Variants in CCL23 observed in about 807,000 individuals in gnomAD.
The protein encoded by CCL23 is C-C motif chemokine ligand 23.
A neutral mutation model predicts 11.8 loss-of-function variants in CCL23; 10 were observed. The observed-to-expected ratio is 0.84, with a 90% CI of 0.52 to 1.43. CCL23 has a LOEUF of 1.43. CCL23 is among the 40% of genes most tolerant of loss of function. The probability of loss-of-function intolerance (pLI) is 0.00; values close to 1 mark genes in which losing one functional copy is unlikely to be tolerated. For synonymous variants in CCL23, 60 were observed against 61.0 expected (o/e 0.98, Z 0.07); for missense variants, 181 against 170.9 (o/e 1.06, Z -0.33).
chr17:36,013,959 G>A lies in CCL23; in HGVS notation c.137-50C>T, dbSNP rs370259219. On this transcript the variant is annotated intron_variant, in intron 2 of 3. Coordinates refer to ENST00000615050, the MANE Select transcript of CCL23 (RefSeq NM_005064.6). ...GCTCAGAAGAGATGTTTCCTCCTCC[G>A]TGACCAGCACTTGCTGGCATCTCCC... 252 of 1,567,280 alleles carry A rather than the reference G, an allele frequency of 1.6e-4. 2 individuals carry two copies. The highest frequency in any genetic ancestry group is 3.6e-4 in the African/African-American group (27 of 74,066).
At chr17:36,016,602 T>C (rs1204375131) in intron 1 of CCL23, among the ~76,000 whole-genome samples, 1 of 152,088 alleles carries the variant, frequency 6.6e-6, no homozygotes, top group Non-Finnish European at 1.5e-5. Flanking sequence ...GTTTCAAGTC[T>C]TTGCTATTGT....
At chr17:36,014,230 C>T (rs2090080664) in intron 2 of CCL23, 104 bp downstream of exon 2, 1 of 891,980 alleles carries the variant, frequency 1.1e-6, no homozygotes, top group Admixed American at 1.8e-5. Flanking sequence ...ACCCTCAGGA[C>T]CCTCTCATTC....
In CCL23 at chr17:36,013,309, C is replaced by G; in HGVS notation, c.303-1G>C. On this transcript the variant is annotated splice_acceptor_variant, in intron 3 of 3. Coordinates refer to ENST00000615050, the MANE Select transcript of CCL23 (RefSeq NM_005064.6). LOFTEE classifies it high-confidence loss of function. ...ACGTCGCCCCTTCTTGGTGAGGAAG[C>G]TAGGGAACAAGGGGGAGAAAAGTTA... 6.2e-7 allele frequency: 1 copy of G among 1,606,408 alleles called. No homozygotes were observed. Among genetic ancestry groups the G allele is most frequent in the African/African-American group, 1.3e-5 (1 of 74,926 alleles).
chr17:36,013,379 TC>T (rs1282861319), intron 3 of CCL23, 71 bp from the exon 4 acceptor site: 6 of 882,236 alleles, frequency 6.8e-6, no homozygotes, highest in African/African-American at 3.3e-5. Context: ...GGCCCCATTC[TC>T]CCTGCCCCTC....
chr17:36,013,307 A>G lies in CCL23; in HGVS notation c.304T>C (p.Phe102Leu), dbSNP rs140199904. Residue 102 changes from phenylalanine (F) to leucine (L), a missense_variant and splice_region_variant, in exon 4 of 4, where the codon TTC becomes CTC. Transcript: ENST00000615050. ...AAACGTCGCCCCTTCTTGGTGAGGAAGCTAGGGAACAAGGGGGAGAAAAGT... is the reference window on the plus strand; with the variant it reads ...AAACGTCGCCCCTTCTTGGTGAGGAGGCTAGGGAACAAGGGGGAGAAAAGT... The part of the protein sequence containing the change: ...NSECSKPGVI[F>L]LTKKGRRFCA... 71 of 1,607,802 alleles carry G rather than the reference A, an allele frequency of 4.4e-5. No homozygotes were observed. The African/African-American group carries it at 7.6e-4, about 17-fold the overall frequency.
intron 3 of CCL23, 34 bp from the exon 4 acceptor site, chr17:36,013,342 A>C (rs200182292): frequency 7.2e-7 from 1 of 1,396,436 alleles, no homozygotes; most frequent in East Asian, 2.3e-5. Flanking sequence ...TTACAAACTG[A>C]GGTGTGTCCA....
intron 1 of CCL23, among the ~76,000 whole-genome samples, chr17:36,015,449 ATGC>A (rs2090090740): frequency 6.6e-6 from 1 of 152,222 alleles, no homozygotes; most frequent in African/African-American, 2.4e-5. Context: ...GTCATCAATA[ATGC>A]TGCTATGAAT....
In CCL23 at chr17:36,013,951, C is replaced by T. The variant is rs1183923636; in HGVS notation, c.137-42G>A. ...GGCACATGGCTCAGAAGAGATGTTT[C>T]CTCCTCCGTGACCAGCACTTGCTGG... On this transcript the variant is annotated intron_variant, in intron 2 of 3. Transcript: ENST00000615050. The T allele has an allele frequency of 6.3e-6, 10 of 1,594,380 alleles. No homozygotes were observed. The African/African-American group carries it at 1.2e-4, about 19-fold the overall frequency.
chr17:36,017,899 C>T lies in CCL23; in HGVS notation c.-2G>A. On this transcript the variant is annotated 5_prime_UTR_variant, in exon 1 of 4. Transcript: ENST00000615050. Reference sequence around the variant, plus strand: ...GAGGGCAGCCACGGAGACCTTCATCCTCCTGGTGGGCAGGCAGGGCTGGCC... The same window carrying T: ...GAGGGCAGCCACGGAGACCTTCATCTTCCTGGTGGGCAGGCAGGGCTGGCC... 3.1e-6 allele frequency: 5 copies of T among 1,613,616 alleles called. No homozygotes were observed. Among genetic ancestry groups the T allele is most frequent in the Non-Finnish European group, 4.2e-6 (5 of 1,180,016 alleles).
chr17:36,015,568 A>G (rs2090091540), intron 1 of CCL23, among the ~76,000 whole-genome samples: 1 of 152,218 alleles, frequency 6.6e-6, no homozygotes, highest in South Asian at 2.1e-4. Context: ...AAAACCTGAG[A>G]AATTCTGCAT....
chr17:36,014,433 C>T (rs780577124), intron 1 of CCL23, 40 bp from the exon 2 acceptor site: 47 of 1,533,518 alleles, frequency 3.1e-5, no homozygotes, highest in East Asian at 1.3e-4. Flanking sequence ...AATCACTGGG[C>T]GGCAGCATTG....
At chr17:36,016,001 G>A (rs2142026127) in intron 1 of CCL23, among the ~76,000 whole-genome samples, 2 of 151,822 alleles carry the variant, frequency 1.3e-5, no homozygotes, top group South Asian at 2.1e-4. Flanking sequence ...CCAAGATGGT[G>A]CCACTGTACT....
chr17:36,014,033 G>T, intron 2 of CCL23, 124 bp from the exon 3 acceptor site: 1 of 995,138 alleles, frequency 1.0e-6, no homozygotes, highest in Non-Finnish European at 1.5e-6. Flanking sequence ...GGGCACTCAG[G>T]GTGGGCCAGA....
Position 36,017,835 on chromosome 17 carries a change from G to A in CCL23, c.63C>T (p.Ala21=). 3 of 1,614,130 alleles carry A rather than the reference G, an allele frequency of 1.9e-6. No homozygotes were observed. The highest frequency in any genetic ancestry group is 2.5e-6 in the Non-Finnish European group (3 of 1,180,028). Residue 21 remains alanine, a synonymous_variant, in exon 1 of 4, where the codon GCC becomes GCT. Coordinates refer to ENST00000615050, the MANE Select transcript of CCL23 (RefSeq NM_005064.6). ...LMLVTALGSQ[A]RVTKDAETEF... ...CACTGGACTCACCTTTTGTGACCCG[G>A]GCCTGGGATCCAAGGGCAGTAACAA...
chr17:36,015,098 AAAC>A (rs1332298712), intron 1 of CCL23, among the ~76,000 whole-genome samples: 2 of 152,148 alleles, frequency 1.3e-5, no homozygotes, highest in African/African-American at 4.8e-5. Flanking sequence ...TGTATTCATT[AAAC>A]AACAACTCCT....
intron 3 of CCL23, 66 bp from the exon 4 acceptor site, chr17:36,013,374 C>A: frequency 1.0e-6 from 1 of 958,008 alleles, no homozygotes; most frequent in South Asian, 1.4e-5. Flanking sequence ...CAGGGGGCCC[C>A]ATTCTCCCTG....
At chr17:36,017,764 C>A (rs957783068) in intron 1 of CCL23, 58 bp downstream of exon 1, 6 of 1,519,820 alleles carry the variant, frequency 3.9e-6, no homozygotes, top group Non-Finnish European at 5.5e-6. Flanking sequence ...TGTGTCTCTG[C>A]CACAGAGCTT....
chr17:36,014,414 A>G (rs775880079), intron 1 of CCL23, 21 bp from the exon 2 acceptor site: 2 of 1,601,486 alleles, frequency 1.2e-6, no homozygotes, highest in South Asian at 1.1e-5. Context: ...CAGACAGGAC[A>G]GGGAAGGAAA....
Position 36,013,624 on chromosome 17 carries a change from C to T in CCL23, c.302+120G>A, listed in dbSNP as rs929453299. The T allele has an allele frequency of 1.1e-5, 10 of 922,366 alleles. No individual in the cohort carries two copies. In the African/African-American group the frequency reaches 1.6e-4, roughly 15 times the overall value. The allele number at this position is 922,366 out of a possible 1,614,324, so 57.1% of individuals were successfully genotyped here. ...CAGGATCTTCCTAAGGACACAGCTGCCCCATACCTGGCAGGATCCAGAGGG... is the reference window on the plus strand; with the variant it reads ...CAGGATCTTCCTAAGGACACAGCTGTCCCATACCTGGCAGGATCCAGAGGG... On this transcript the variant is annotated intron_variant, in intron 3 of 3. Transcript: ENST00000615050.
Sources: allele counts gnomAD v4.1 joint callset (sites outside exome capture counted in the v4.1 genomes callset), GRCh38; gene constraint gnomAD v4.1.1; transcripts MANE v1.5; gene names NCBI Gene and HGNC (gene_info 2026-07-23, HGNC 2026-07-21).